EPHB1: variants seen among roughly 807,000 people sequenced by gnomAD.
EPHB1 encodes the protein ephrin type-B receptor 1.
In EPHB1, 30 loss-of-function variants were observed where a neutral mutation model predicts 94.4. The observed-to-expected ratio is 0.32, with a 90% CI of 0.24 to 0.43. The LOEUF (loss-of-function observed/expected upper bound fraction) is 0.43. Among genes scored for constraint, EPHB1 ranks in the 20% least tolerant of loss-of-function variants. The pLI, the probability that EPHB1 is intolerant of heterozygous loss-of-function variation, is 1.00. For synonymous variants in EPHB1, 522 were observed against 489.1 expected (o/e 1.07, Z -0.89); for missense variants, 1,055 against 1,308.3 (o/e 0.81, Z 2.99).
intron 2 of EPHB1, among the ~76,000 whole-genome samples, chr3:134,939,736 C>T (rs954654514): frequency 3.3e-5 from 5 of 152,192 alleles, no homozygotes; most frequent in Non-Finnish European, 5.9e-5. Context: ...GAATCTTTGG[C>T]CTCCTGTGGG....
At chr3:134,879,080 T>C (rs1425070516) in intron 1 of EPHB1, among the ~76,000 whole-genome samples, 2 of 152,178 alleles carry the variant, frequency 1.3e-5, no homozygotes, top group African/African-American at 4.8e-5. Flanking sequence ...AAAATCACTT[T>C]GTAAGTCACT....
At position 134,795,313 on chromosome 3, in the gene EPHB1, C is replaced by A. The variant is rs1327062600; in HGVS notation, c.-319C>A. On this transcript the variant is annotated 5_prime_UTR_variant, in exon 1 of 16. Transcript: ENST00000398015. ...CTCCGCTGTAGCTAGCAATGTGACA[C>A]CAGGACGCACTCGCTCTCGCGCGCT... The A allele has an allele frequency of 4.3e-6, 2 of 459,920 alleles. No individual in the cohort carries two copies. The highest frequency in any genetic ancestry group is 7.7e-6 in the Non-Finnish European group (2 of 260,074). The allele number at this position is 459,920 out of a possible 1,614,324, so 28.5% of individuals were successfully genotyped here.
chr3:134,813,317 A>G (rs941815796), intron 1 of EPHB1, among the ~76,000 whole-genome samples: 1 of 152,154 alleles, frequency 6.6e-6, no homozygotes, highest in African/African-American at 2.4e-5. Flanking sequence ...GCTCAGTAGA[A>G]AGGAAGGGCA....
At chr3:134,910,765 A>G (rs1318569666) in intron 1 of EPHB1, among the ~76,000 whole-genome samples, 2 of 152,212 alleles carry the variant, frequency 1.3e-5, no homozygotes, top group Non-Finnish European at 2.9e-5. Flanking sequence ...AGAGGAGGTC[A>G]GAACTATGAT....
intron 2 of EPHB1, among the ~76,000 whole-genome samples, chr3:134,946,274 T>A (rs1578219224): frequency 6.6e-6 from 1 of 152,210 alleles, no homozygotes; most frequent in East Asian, 1.9e-4. Context: ...TGTGTTTTTT[T>A]CTCCCTAACT....
intron 3 of EPHB1, chr3:134,977,902 T>C: frequency 2.2e-6 from 1 of 448,974 alleles, no homozygotes; most frequent in Non-Finnish European, 4.5e-6. Context: ...TGGTTCTACC[T>C]GTGAAGGAGA....
chr3:135,048,678 C>T (rs556446438), intron 3 of EPHB1, among the ~76,000 whole-genome samples: 127 of 152,282 alleles, frequency 8.3e-4, no homozygotes, highest in African/African-American at 2.7e-3. Flanking sequence ...CCCTCGTGCA[C>T]GCACATGCTG....
At chr3:135,200,500 G>A (rs1308293284) in intron 11 of EPHB1, among the ~76,000 whole-genome samples, 3 of 152,174 alleles carry the variant, frequency 2.0e-5, no homozygotes. Flanking sequence ...GAAAGCCCTG[G>A]GATTACCCAG....
chr3:134,833,195 A>AT (rs1312636152), intron 1 of EPHB1, among the ~76,000 whole-genome samples: 1 of 152,190 alleles, frequency 6.6e-6, no homozygotes, highest in Non-Finnish European at 1.5e-5. Flanking sequence ...CAGCGCCCCC[A>AT]TAAGTGAGGA....
At position 134,811,256 on chromosome 3, in the gene EPHB1, T is replaced by TTGTTTTTG. The variant is rs537684783; in HGVS notation, c.58+15568_58+15569insGTTTTTGT. 3.9e-3 allele frequency among the ~76,000 whole-genome samples: 522 copies of TTGTTTTTG among 134,936 alleles called. 12 individuals are homozygous for TTGTTTTTG. Among genetic ancestry groups the TTGTTTTTG allele is most frequent in the Middle Eastern group, 0.015 (4 of 270 alleles). The allele number at this position is 134,936 out of a possible 152,430, so 88.5% of individuals were successfully genotyped here. A position where few individuals can be genotyped will look rare whatever the true frequency, so the allele number is the denominator to read the frequency against. ...CTACTAAGAAGGTTTTTTTTTTTTT[T>TTGTTTTTG]TTTTTTTCTGTCTTGCTCTGTCCCC... On this transcript the variant is annotated intron_variant, in intron 1 of 15. Transcript: ENST00000398015.
At chr3:135,051,973 A>G (rs895553465) in intron 3 of EPHB1, among the ~76,000 whole-genome samples, 3 of 152,228 alleles carry the variant, frequency 2.0e-5, no homozygotes, top group Non-Finnish European at 4.4e-5. Context: ...TAATTTTTTC[A>G]TGAACTATAT....
chr3:135,166,869 C>A, intron 8 of EPHB1, 73 bp from the exon 9 acceptor site: 2 of 1,537,948 alleles, frequency 1.3e-6, no homozygotes, highest in South Asian at 1.1e-5. Flanking sequence ...TGGCCTGGGG[C>A]CTAGATGGAG....
At chr3:134,919,818 AG>A (rs2038644771) in intron 1 of EPHB1, among the ~76,000 whole-genome samples, 1 of 151,600 alleles carries the variant, frequency 6.6e-6, no homozygotes, top group Non-Finnish European at 1.5e-5. Context: ...CACTCTTGCC[AG>A]TATGGACTGT....
intron 3 of EPHB1, among the ~76,000 whole-genome samples, chr3:135,030,494 C>T (rs1936395201): frequency 6.6e-6 from 1 of 152,202 alleles, no homozygotes; most frequent in Admixed American, 6.5e-5. Flanking sequence ...TGTGAGGTGT[C>T]AGTATGCCCC....
intron 3 of EPHB1, among the ~76,000 whole-genome samples, chr3:134,992,167 C>T (rs563466166): frequency 6.6e-6 from 1 of 152,214 alleles, no homozygotes; most frequent in African/African-American, 2.4e-5. Context: ...AAAGACAACA[C>T]GGGGGGCCAG....
intron 3 of EPHB1, among the ~76,000 whole-genome samples, chr3:135,039,876 G>C (rs1258566331): frequency 2.0e-5 from 3 of 152,298 alleles, no homozygotes; most frequent in Admixed American, 1.3e-4. Flanking sequence ...CAGTGCAGTG[G>C]GGGGGCTGAA....
At chr3:134,882,767 T>TTTCTTTCTTTC (rs1560280499) in intron 1 of EPHB1, among the ~76,000 whole-genome samples, 1 of 39,820 alleles carries the variant, frequency 2.5e-5, no homozygotes, top group Admixed American at 2.9e-4. Context: ...CCTTCCTTCC[T>TTTCTTTCTTTC]TTCTTTCTTT....
intron 13 of EPHB1, among the ~76,000 whole-genome samples, chr3:135,243,089 AAAAAAG>A (rs560018735): frequency 0.086 from 7,663 of 89,412 alleles, 117 homozygotes; most frequent in Middle Eastern, 0.19. Flanking sequence ...AAAAAAAAAA[AAAAAAG>A]AAAAGAAAAG....
At chr3:134,908,395 T>C (rs1427875035) in intron 1 of EPHB1, among the ~76,000 whole-genome samples, 1 of 152,030 alleles carries the variant, frequency 6.6e-6, no homozygotes, top group Non-Finnish European at 1.5e-5. Flanking sequence ...CCTCCAGCCA[T>C]GCTTCCAGAG....
Sources: allele counts gnomAD v4.1 joint callset (sites outside exome capture counted in the v4.1 genomes callset), GRCh38; gene constraint gnomAD v4.1.1; transcripts MANE v1.5; gene names NCBI Gene and HGNC (gene_info 2026-07-23, HGNC 2026-07-21).